The following HYCC2 variants were observed in gnomAD, a reference collection of about 807,000 sequenced individuals.
HYCC2 encodes the protein hyccin 2.
chr2:200,983,731 A>G, the HYCC2 span, among the ~76,000 whole-genome samples: 1 of 152,184 alleles, frequency 6.6e-6, no homozygotes, highest in Non-Finnish European at 1.5e-5. Context: ...CCAAGAAAGG[A>G]TAGTTATTGG....
the HYCC2 span, chr2:201,009,144 T>C: frequency 9.9e-7 from 1 of 1,014,416 alleles, no homozygotes; most frequent in South Asian, 1.4e-5. Flanking sequence ...TAAAAATCTG[T>C]ATCATGTAAT....
the HYCC2 span, among the ~76,000 whole-genome samples, chr2:200,993,181 A>T: frequency 1.3e-5 from 2 of 152,250 alleles, no homozygotes; most frequent in Non-Finnish European, 2.9e-5. Flanking sequence ...AAGATAAAAA[A>T]TAAAAAATAA....
the HYCC2 span, among the ~76,000 whole-genome samples, chr2:201,052,883 G>C: frequency 6.6e-6 from 1 of 152,152 alleles, no homozygotes; most frequent in African/African-American, 2.4e-5. Context: ...TCCCTCTCTA[G>C]TAGTCAAACG....
chr2:201,068,488 C>A, the HYCC2 span, among the ~76,000 whole-genome samples: 6 of 152,072 alleles, frequency 3.9e-5, no homozygotes, highest in Non-Finnish European at 7.4e-5. Context: ...AGTGGTGAAC[C>A]AAATTAATCA....
the HYCC2 span, among the ~76,000 whole-genome samples, chr2:201,006,130 CTT>C: frequency 5.1e-5 from 6 of 118,266 alleles, no homozygotes; most frequent in Non-Finnish European, 7.1e-5. Context: ...TCGCGCCTGG[CTT>C]TTTTTTTTTT....
At chr2:201,034,355 A>T in the HYCC2 span, among the ~76,000 whole-genome samples, 2 of 152,208 alleles carry the variant, frequency 1.3e-5, no homozygotes, top group African/African-American at 4.8e-5. Context: ...CTTTACCATT[A>T]TGTAATGGCC....
At chr2:200,998,799 A>G in the HYCC2 span, among the ~76,000 whole-genome samples, 1 of 152,210 alleles carries the variant, frequency 6.6e-6, no homozygotes, top group Non-Finnish European at 1.5e-5. Flanking sequence ...CTTCCCATAG[A>G]TGAATGGTGA....
At chr2:200,975,326 A>G in the HYCC2 span, 1 of 152,020 alleles carries the variant, frequency 6.6e-6, no homozygotes. Flanking sequence ...GTAATCAATG[A>G]AGATGTAAAG....
chr2:201,022,033 T>G, the HYCC2 span: 1 of 1,279,034 alleles, frequency 7.8e-7, no homozygotes, highest in Non-Finnish European at 1.0e-6. Context: ...CACTTTAAGT[T>G]AAGCTGCTGG....
the HYCC2 span, among the ~76,000 whole-genome samples, chr2:201,058,014 T>C: frequency 1.7e-3 from 259 of 152,296 alleles, no homozygotes; most frequent in African/African-American, 5.9e-3. Context: ...CCCTCACCAA[T>C]GCTGATCTAC....
At chr2:201,004,055 A>T in the HYCC2 span, among the ~76,000 whole-genome samples, 9 of 151,844 alleles carry the variant, frequency 5.9e-5, no homozygotes, top group Admixed American at 2.0e-4. Context: ...ACCTCAGGTG[A>T]TCCACCCGCC....
the HYCC2 span, chr2:201,008,951 T>C: frequency 7.2e-7 from 1 of 1,383,760 alleles, no homozygotes; most frequent in Non-Finnish European, 1.0e-6. Flanking sequence ...AAGTTGTTAC[T>C]ATATACAGTT....
the HYCC2 span, among the ~76,000 whole-genome samples, chr2:201,017,515 T>C: frequency 6.6e-6 from 1 of 152,174 alleles, no homozygotes; most frequent in African/African-American, 2.4e-5. Flanking sequence ...TCAAAAACTT[T>C]CCATTGAAAT....
chr2:201,036,180 A>G, the HYCC2 span, among the ~76,000 whole-genome samples: 5 of 152,222 alleles, frequency 3.3e-5, no homozygotes, highest in Non-Finnish European at 5.9e-5. Context: ...ATACCCTCCC[A>G]AGACTAAACC....
At chr2:201,046,090 A>T in the HYCC2 span, among the ~76,000 whole-genome samples, 1 of 152,256 alleles carries the variant, frequency 6.6e-6, no homozygotes, top group Non-Finnish European at 1.5e-5. Flanking sequence ...GATGGGTTTC[A>T]CATAACTGAA....
the HYCC2 span, among the ~76,000 whole-genome samples, chr2:201,068,189 G>A: frequency 6.6e-6 from 1 of 151,962 alleles, no homozygotes; most frequent in African/African-American, 2.4e-5. Flanking sequence ...CCGGAGGCTG[G>A]GGCAGGAAAA....
chr2:201,052,619 AAAAG>A, the HYCC2 span, among the ~76,000 whole-genome samples: 5 of 152,274 alleles, frequency 3.3e-5, no homozygotes, highest in South Asian at 2.1e-4. Context: ...AGAAAAAGAA[AAAAG>A]AAAGAAAGAA....
the HYCC2 span, among the ~76,000 whole-genome samples, chr2:201,020,325 G>C: frequency 6.6e-6 from 1 of 152,142 alleles, no homozygotes; most frequent in Non-Finnish European, 1.5e-5. Flanking sequence ...CATGATATTT[G>C]ATGAACACAC....
At chr2:201,041,213 T>G in the HYCC2 span, among the ~76,000 whole-genome samples, 4 of 152,164 alleles carry the variant, frequency 2.6e-5, no homozygotes, top group Non-Finnish European at 5.9e-5. Context: ...GATAAGAAAA[T>G]TAAAGTGTAA....
Sources: allele counts gnomAD v4.1 joint callset (sites outside exome capture counted in the v4.1 genomes callset), GRCh38; gene constraint gnomAD v4.1.1; transcripts MANE v1.5; gene names NCBI Gene and HGNC (gene_info 2026-07-23, HGNC 2026-07-21).